KIAA0825: variants seen among roughly 807,000 people sequenced by gnomAD.
KIAA0825 encodes uncharacterized protein KIAA0825.
Under a neutral mutation model 147.6 loss-of-function variants are expected in KIAA0825, and 119 were observed. That is an observed-to-expected ratio of 0.81 (90% CI 0.69 to 0.94). The LOEUF (loss-of-function observed/expected upper bound fraction) is 0.94. KIAA0825 is among the 40% of genes least tolerant of loss of function. The pLI is 0.00. For missense variants in KIAA0825, 1,381 were observed against 1,472.7 expected (o/e 0.94, Z 1.02); for synonymous variants, 470 against 518.1 (o/e 0.91, Z 1.26).
At chr5:94,435,751 G>C (rs758160421) in intron 14 of KIAA0825, among the ~76,000 whole-genome samples, 30 of 152,054 alleles carry the variant, frequency 2.0e-4, no homozygotes, top group Admixed American at 9.2e-4. Flanking sequence ...AGGGAAAATT[G>C]CTCCTTTTTC....
chr5:94,223,322 G>C (rs1773833076), intron 20 of KIAA0825, among the ~76,000 whole-genome samples: 1 of 152,070 alleles, frequency 6.6e-6, no homozygotes, highest in Non-Finnish European at 1.5e-5. Flanking sequence ...AGTTATCTGT[G>C]GTGCCATATC....
At chr5:94,603,453 A>T (rs1432737322) in intron 1 of KIAA0825, among the ~76,000 whole-genome samples, 1 of 152,202 alleles carries the variant, frequency 6.6e-6, no homozygotes, top group African/African-American at 2.4e-5. Context: ...AAAAAATACT[A>T]CCAGACATTA....
At chr5:94,461,757 A>T (rs1265366240) in intron 12 of KIAA0825, among the ~76,000 whole-genome samples, 1 of 151,942 alleles carries the variant, frequency 6.6e-6, no homozygotes. Context: ...CCATGAAGAT[A>T]CAATTATTTA....
intron 20 of KIAA0825, among the ~76,000 whole-genome samples, chr5:94,353,085 AAAAT>A (rs1354566884): frequency 2.0e-5 from 3 of 152,306 alleles, no homozygotes; most frequent in African/African-American, 7.2e-5. Flanking sequence ...AAATAAAAAT[AAAAT>A]AAATAAAAAT....
chr5:94,152,377 C>T lies in KIAA0825; in HGVS notation c.*1630G>A, dbSNP rs1766563596. Among the ~76,000 whole-genome samples, 1 of 152,068 alleles carries T rather than the reference C, an allele frequency of 6.6e-6. No homozygotes were observed. Among genetic ancestry groups the T allele is most frequent in the Non-Finnish European group, 1.5e-5 (1 of 68,016 alleles). ...AACATGAAGTTTGATGTCATATGGT[C>T]TAAAATAGCCCATGATGTAAGGCTT... is the stretch of plus-strand genomic sequence containing the variant. On this transcript the variant is annotated 3_prime_UTR_variant, in exon 21 of 21. Transcript: ENST00000682413.
intron 12 of KIAA0825, among the ~76,000 whole-genome samples, chr5:94,458,610 G>T (rs758052526): frequency 1.2e-4 from 18 of 151,870 alleles, no homozygotes; most frequent in Non-Finnish European, 5.9e-5. Flanking sequence ...TTAATTTTGC[G>T]TTTTTTAAAA....
Position 94,152,821 on chromosome 5 carries a change from GAAAAAAAAAAAAAAAAAAAAA to G in KIAA0825, c.*1165_*1185del, listed in dbSNP as rs1179311015. ...CAGAGCAAGACCCTGTTTCTAAAATGAAAAAAAAAAAAAAAAAAAAAAAAAAAAAAAAAATTATATATATAT... is the reference window on the plus strand; with the variant it reads ...CAGAGCAAGACCCTGTTTCTAAAATGAAAAAAAAAAAAATTATATATATAT... On this transcript the variant is annotated 3_prime_UTR_variant, in exon 21 of 21. Transcript: ENST00000682413. 5.0e-4 allele frequency: 1 copy of G among 2,000 alleles called. No homozygotes were observed. 0.1% of individuals were successfully genotyped at this position (2,000 alleles called of 1,614,324 possible). A position where few individuals can be genotyped will look rare whatever the true frequency, so the allele number is the denominator to read the frequency against.
intron 20 of KIAA0825, among the ~76,000 whole-genome samples, chr5:94,163,917 CTT>C (rs1432474029): frequency 6.6e-6 from 1 of 152,042 alleles, no homozygotes; most frequent in Non-Finnish European, 1.5e-5. Context: ...GTAATGGACT[CTT>C]GTTATAAGAA....
At chr5:94,331,987 C>A (rs1210168612) in intron 20 of KIAA0825, among the ~76,000 whole-genome samples, 1 of 151,546 alleles carries the variant, frequency 6.6e-6, no homozygotes, top group Non-Finnish European at 1.5e-5. Flanking sequence ...CATGGTGAAA[C>A]CCCATCTCTA....
intron 1 of KIAA0825, among the ~76,000 whole-genome samples, chr5:94,586,101 T>C (rs948485207): frequency 6.6e-6 from 1 of 152,076 alleles, no homozygotes; most frequent in African/African-American, 2.4e-5. Context: ...AGATCTAAAA[T>C]TGACACCCTA....
At chr5:94,432,625 CA>C (rs1470200944) in intron 14 of KIAA0825, among the ~76,000 whole-genome samples, 1 of 152,040 alleles carries the variant, frequency 6.6e-6, no homozygotes, top group African/African-American at 2.4e-5. Flanking sequence ...TCCTGTAGTG[CA>C]GACATCATTA....
chr5:94,557,687 TAAAG>T (rs1347903659), intron 2 of KIAA0825, among the ~76,000 whole-genome samples: 2 of 151,876 alleles, frequency 1.3e-5, no homozygotes, highest in Non-Finnish European at 2.9e-5. Flanking sequence ...AAACAGGAGG[TAAAG>T]AAATAGCCAA....
At chr5:94,599,463 T>C (rs529189910) in intron 1 of KIAA0825, among the ~76,000 whole-genome samples, 1 of 146,228 alleles carries the variant, frequency 6.8e-6, no homozygotes, top group African/African-American at 2.5e-5. Context: ...AATATCAACA[T>C]ACAAAGAATT....
chr5:94,259,696 G>C (rs2150130520), intron 20 of KIAA0825, among the ~76,000 whole-genome samples: 1 of 151,952 alleles, frequency 6.6e-6, no homozygotes, highest in Middle Eastern at 3.4e-3. Context: ...CAAGCCTTGG[G>C]AAAGATTAAA....
chr5:94,512,790 G>C (rs905540610), intron 5 of KIAA0825, among the ~76,000 whole-genome samples: 8 of 152,022 alleles, frequency 5.3e-5, no homozygotes, highest in African/African-American at 1.9e-4. Flanking sequence ...CCAGCTACTG[G>C]GAGGCTGAGA....
chr5:94,544,540 T>C (rs1309429893), intron 2 of KIAA0825, among the ~76,000 whole-genome samples: 4 of 152,224 alleles, frequency 2.6e-5, no homozygotes, highest in African/African-American at 9.6e-5. Flanking sequence ...AGTTTATTCA[T>C]TGGTCTGAGC....
chr5:94,594,118 A>T (rs1784835350), intron 1 of KIAA0825: 1 of 548,288 alleles, frequency 1.8e-6, no homozygotes, highest in Non-Finnish European at 3.7e-6. Context: ...CTCTTTGGCC[A>T]CACTTGAATA....
intron 20 of KIAA0825, among the ~76,000 whole-genome samples, chr5:94,245,483 G>C (rs956841015): frequency 1.3e-5 from 2 of 152,140 alleles, no homozygotes; most frequent in Non-Finnish European, 2.9e-5. Context: ...AGAGCAGCCT[G>C]TTTGAACCTA....
At chr5:94,242,313 C>T (rs1314047593) in intron 20 of KIAA0825, among the ~76,000 whole-genome samples, 2 of 152,168 alleles carry the variant, frequency 1.3e-5, no homozygotes, top group Admixed American at 6.5e-5. Context: ...TTCTGTTATT[C>T]TCCTTTCCAT....
Sources: allele counts gnomAD v4.1 joint callset (sites outside exome capture counted in the v4.1 genomes callset), GRCh38; gene constraint gnomAD v4.1.1; transcripts MANE v1.5; gene names NCBI Gene and HGNC (gene_info 2026-07-23, HGNC 2026-07-21).